E2F5: variants seen among roughly 807,000 people sequenced by gnomAD.
The protein encoded by E2F5 is transcription factor E2F5.
A neutral mutation model predicts 39.1 loss-of-function variants in E2F5; 23 were observed. The ratio of observed to expected loss-of-function variants is 0.59; its 90% CI spans 0.42 to 0.83. E2F5 has a LOEUF of 0.83. Ranked by LOEUF, E2F5 falls within the 40% of genes least tolerant of loss-of-function variation. The pLI is 0.00. For missense variants in E2F5, 365 were observed against 406.7 expected (o/e 0.90, Z 0.88); for synonymous variants, 145 against 157.8 (o/e 0.92, Z 0.61).
At chr8:85,179,261 G>C (rs1442473525) in intron 1 of E2F5, among the ~76,000 whole-genome samples, 2 of 152,142 alleles carry the variant, frequency 1.3e-5, no homozygotes, top group Non-Finnish European at 2.9e-5. Context: ...GGAAGTTTGG[G>C]GTTTTCCAGG....
chr8:85,207,459 T>C lies in E2F5; in HGVS notation c.585T>C (p.Gly195=). 1.3e-6 allele frequency: 2 copies of C among 1,562,140 alleles called. No homozygotes were observed. Among genetic ancestry groups the C allele is most frequent in the Non-Finnish European group, 8.7e-7 (1 of 1,151,878 alleles). ...DTLLAIQAPS[G]TQLEVPIPEM... The stretch of plus-strand genomic sequence containing the variant: ...TTTTGGCCATTCAGGCACCTTCTGG[T>C]ACACAACTGGAGGTACCCATTCCAG... Residue 195 remains glycine (G), a synonymous_variant, in exon 5 of 8, where the codon GGT becomes GGC. Transcript: ENST00000416274.
intron 6 of E2F5, among the ~76,000 whole-genome samples, chr8:85,211,389 C>T (rs1363608236): frequency 1.3e-5 from 2 of 151,608 alleles, no homozygotes; most frequent in Non-Finnish European, 2.9e-5. Context: ...AGTGACAGAG[C>T]GAGATCCTGT....
In E2F5 at chr8:85,209,448, G is replaced by C. The variant is rs1284479713; in HGVS notation, c.883+39G>C. The C allele has an allele frequency of 3.2e-6, 5 of 1,542,500 alleles. No homozygotes were observed. In the Admixed American group the frequency reaches 1.0e-4, roughly 32 times the overall value. On this transcript the variant is annotated intron_variant, in intron 6 of 7. Coordinates refer to ENST00000416274, the MANE Select transcript of E2F5 (RefSeq NM_001951.4). ...CTTTCTTTTGTAAATTAGAGAGGGA[G>C]AAATATAAAAACAGGTTGGCTCTCT... is the stretch of plus-strand genomic sequence containing the variant.
At chr8:85,195,003 G>C (rs1812551324) in intron 1 of E2F5, among the ~76,000 whole-genome samples, 2 of 152,072 alleles carry the variant, frequency 1.3e-5, no homozygotes, top group African/African-American at 4.8e-5. Flanking sequence ...AGGCTAAGTA[G>C]CTTGCCCAGG....
intron 1 of E2F5, among the ~76,000 whole-genome samples, chr8:85,180,543 T>TATATATATATAC (rs1563974696): frequency 7.7e-5 from 9 of 116,884 alleles, no homozygotes; most frequent in Non-Finnish European, 1.3e-4. Context: ...TATATATATA[T>TATATATATATAC]ATATATATAT....
At chr8:85,201,222 A>C (rs1812692444) in intron 1 of E2F5, among the ~76,000 whole-genome samples, 1 of 152,186 alleles carries the variant, frequency 6.6e-6, no homozygotes, top group African/African-American at 2.4e-5. Flanking sequence ...AATTATGCGA[A>C]GCTGGGAGAG....
chr8:85,196,271 G>A (rs1812577968), intron 1 of E2F5, among the ~76,000 whole-genome samples: 1 of 152,054 alleles, frequency 6.6e-6, no homozygotes, highest in Non-Finnish European at 1.5e-5. Flanking sequence ...GCCACCTCCA[G>A]GAACTATTTC....
chr8:85,207,462 A>C lies in E2F5; in HGVS notation c.588A>C (p.Thr196=), dbSNP rs772576480. The change falls in exon 5 of 8, where the codon ACA becomes ACC. Residue 196 remains threonine, a synonymous_variant. Transcript: ENST00000416274. The stretch of plus-strand genomic sequence containing the variant: ...TGGCCATTCAGGCACCTTCTGGTAC[A>C]CAACTGGAGGTACCCATTCCAGAAA... ...TLLAIQAPSG[T]QLEVPIPEMG... The C allele has an allele frequency of 7.7e-6, 12 of 1,561,886 alleles. No individual in the cohort carries two copies. Among genetic ancestry groups the C allele is most frequent in the South Asian group, 4.7e-5 (4 of 84,790 alleles).
At chr8:85,202,366 C>T (rs1812715567) in intron 2 of E2F5, 110 bp downstream of exon 2, 2 of 763,150 alleles carry the variant, frequency 2.6e-6, no homozygotes, top group South Asian at 2.0e-5. Context: ...TCAGTCAGGC[C>T]CCTCAGCTTT....
chr8:85,202,138 C>A lies in E2F5; in HGVS notation c.235-9C>A. ...TTATTTCACTGTTCTCGTTGTCTTT[C>A]CTGAACAGGCTGCTGATACTTTGGC... On this transcript the variant is annotated splice_polypyrimidine_tract_variant and intron_variant, in intron 1 of 7. Transcript: ENST00000416274. The A allele has an allele frequency of 6.2e-7, 1 of 1,608,584 alleles. No individual in the cohort carries two copies. Among genetic ancestry groups the A allele is most frequent in the South Asian group, 1.1e-5 (1 of 90,190 alleles).
chr8:85,200,205 C>A, intron 1 of E2F5: 1 of 568,750 alleles, frequency 1.8e-6, no homozygotes, highest in African/African-American at 2.0e-5. Flanking sequence ...CAAGATCACA[C>A]CACTGCACTC....
intron 2 of E2F5, among the ~76,000 whole-genome samples, chr8:85,202,684 C>T (rs1204655260): frequency 1.3e-5 from 2 of 152,000 alleles, no homozygotes; most frequent in Non-Finnish European, 2.9e-5. Context: ...CTAATGTGTC[C>T]CCTTTGACCA....
In E2F5 at chr8:85,180,756, T is replaced by G. The variant is rs202176065; in HGVS notation, c.234+3102T>G. 2.1e-4 allele frequency among the ~76,000 whole-genome samples: 32 copies of G among 150,994 alleles called. No homozygotes were observed. In the East Asian group the frequency reaches 6.1e-3, roughly 29 times the overall value. On this transcript the variant is annotated intron_variant, in intron 1 of 7. Transcript: ENST00000416274. ...TCACGCCCGGCTAATTTTTTTTGTA[T>G]TTTTAGTAGAGACGGGGTTTCACCA...
intron 1 of E2F5, among the ~76,000 whole-genome samples, chr8:85,186,728 G>GAT (rs1337555243): frequency 2.4e-4 from 35 of 145,946 alleles, no homozygotes; most frequent in Admixed American, 1.7e-3. Flanking sequence ...GTGTATATAT[G>GAT]ATATATATAA....
At chr8:85,190,901 G>C (rs1440440431) in intron 1 of E2F5, among the ~76,000 whole-genome samples, 1 of 152,134 alleles carries the variant, frequency 6.6e-6, no homozygotes. Flanking sequence ...GAACCAAAGA[G>C]GTGGAAGCTT....
intron 1 of E2F5, among the ~76,000 whole-genome samples, chr8:85,180,035 T>TA (rs1002211534): frequency 2.7e-4 from 41 of 151,682 alleles, no homozygotes; most frequent in African/African-American, 8.9e-4. Flanking sequence ...AAGCCTTTTT[T>TA]TTTTGAGACT....
intron 1 of E2F5, among the ~76,000 whole-genome samples, chr8:85,180,116 G>A (rs1191178357): frequency 6.6e-6 from 1 of 151,972 alleles, no homozygotes; most frequent in Admixed American, 6.5e-5. Context: ...CACCTCCCGG[G>A]TTCAAGCGAT....
chr8:85,195,733 A>C (rs1240026318), intron 1 of E2F5, among the ~76,000 whole-genome samples: 1 of 152,014 alleles, frequency 6.6e-6, no homozygotes, highest in Non-Finnish European at 1.5e-5. Context: ...GGGCTCAAGC[A>C]ATCCTCATAC....
chr8:85,212,858 G>A (rs1812967914), intron 7 of E2F5: 1 of 147,472 alleles, frequency 6.8e-6, no homozygotes, highest in South Asian at 2.1e-4. Flanking sequence ...TGTTTGCAAA[G>A]TGGAAAACAA....
Sources: gnomAD v4.1 joint callset for allele counts (sites outside exome capture counted in the v4.1 genomes callset) on GRCh38, gnomAD v4.1.1 for gene constraint, MANE v1.5 for transcripts, NCBI Gene and HGNC (gene_info 2026-07-23, HGNC 2026-07-21) for gene names.